RBMS3: variants seen among roughly 807,000 people sequenced by gnomAD.
The protein encoded by RBMS3 is RNA binding motif single stranded interacting protein 3.
RBMS3 carries 27 observed loss-of-function variants against 66.8 expected under a neutral mutation model. The ratio of observed to expected loss-of-function variants is 0.40; its 90% CI spans 0.30 to 0.56. The LOEUF is 0.56. Among genes scored for constraint, RBMS3 ranks in the 20% least tolerant of loss-of-function variants. The pLI is 0.40. For synonymous variants in RBMS3, 188 were observed against 183.0 expected (o/e 1.03, Z -0.22); for missense variants, 513 against 549.5 (o/e 0.93, Z 0.66).
intron 4 of RBMS3, among the ~76,000 whole-genome samples, chr3:29,637,677 T>G (rs975152803): frequency 6.6e-6 from 1 of 151,888 alleles, no homozygotes; most frequent in Admixed American, 6.6e-5. Flanking sequence ...GACTTTATAT[T>G]AAAACACTAA....
Position 29,945,567 on chromosome 3 carries a change from T to G in RBMS3, c.1098+1313T>G, listed in dbSNP as rs566665962. Among the ~76,000 whole-genome samples, 6 of 151,800 alleles carry G rather than the reference T, an allele frequency of 4.0e-5. No individual in the cohort carries two copies. The East Asian group carries it at 1.2e-3, about 30-fold the overall frequency. On this transcript the variant is annotated intron_variant, in intron 12 of 14. Coordinates refer to ENST00000383767, the MANE Select transcript of RBMS3 (RefSeq NM_001003793.3). ...GGATTTAGGGCCCCTGGGAAGAGAC[T>G]ATATTTCATACATGGTACTTTTGTT...
chr3:29,616,709 T>G (rs2048687108), intron 4 of RBMS3: 1 of 152,216 alleles, frequency 6.6e-6, no homozygotes, highest in Admixed American at 6.5e-5. Context: ...TAAATTTACC[T>G]GCTATTATTC....
At chr3:29,332,068 T>A (rs1400636245) in intron 1 of RBMS3, among the ~76,000 whole-genome samples, 1 of 152,062 alleles carries the variant, frequency 6.6e-6, no homozygotes, top group Non-Finnish European at 1.5e-5. Flanking sequence ...CTTCTACTGA[T>A]GAAAGGACTC....
At chr3:29,441,516 G>C (rs9848060) in intron 2 of RBMS3, among the ~76,000 whole-genome samples, 86,566 of 151,920 alleles carry the variant, frequency 0.57, 25,115 homozygotes, top group South Asian at 0.69. Flanking sequence ...TAAGAAACTT[G>C]TTCAAATTTA....
chr3:29,377,234 A>T (rs1381477671), intron 1 of RBMS3, among the ~76,000 whole-genome samples: 1 of 152,198 alleles, frequency 6.6e-6, no homozygotes, highest in African/African-American at 2.4e-5. Flanking sequence ...CTGCTATAGC[A>T]GCAGAGCCTC....
rs1461665047 is a variant in RBMS3, at chr3:29,285,249, G to T, written c.75+3493G>T. ...TTGCCGGGGTGGGGTGGGGGTGGGG[G>T]TGGTGGTGGGGAGTAGGTGGGGGTG... On this transcript the variant is annotated intron_variant, in intron 1 of 14. Coordinates refer to ENST00000383767, the MANE Select transcript of RBMS3 (RefSeq NM_001003793.3). Among the ~76,000 whole-genome samples the T allele has an allele frequency of 4.3e-5, 5 of 117,464 alleles. No homozygotes were observed. The East Asian group carries it at 1.1e-3, about 27-fold the overall frequency. 77.1% of individuals were successfully genotyped at this position (117,464 alleles called of 152,430 possible).
At chr3:29,338,679 T>C (rs2036097937) in intron 1 of RBMS3, among the ~76,000 whole-genome samples, 1 of 99,044 alleles carries the variant, frequency 1.0e-5, no homozygotes, top group African/African-American at 3.6e-5. Context: ...CCTCTCCTCC[T>C]CCTCTCCTCT....
chr3:29,837,767 C>A (rs1233965491), intron 6 of RBMS3, among the ~76,000 whole-genome samples: 3 of 134,212 alleles, frequency 2.2e-5, no homozygotes, highest in African/African-American at 8.4e-5. Context: ...TGATTTTATG[C>A]CTTAATGATC....
chr3:29,819,180 C>G (rs1250846369), intron 6 of RBMS3, among the ~76,000 whole-genome samples: 1 of 152,154 alleles, frequency 6.6e-6, no homozygotes, highest in Non-Finnish European at 1.5e-5. Context: ...TAGTGTGTAT[C>G]CTGCCCTTGC....
chr3:29,515,634 G>A (rs763060351), intron 3 of RBMS3, among the ~76,000 whole-genome samples: 1 of 152,164 alleles, frequency 6.6e-6, no homozygotes, highest in Non-Finnish European at 1.5e-5. Context: ...TTTTCACACC[G>A]CATAAGAAGG....
intron 2 of RBMS3, among the ~76,000 whole-genome samples, chr3:29,459,371 C>G (rs1219323272): frequency 6.6e-6 from 1 of 152,124 alleles, no homozygotes; most frequent in African/African-American, 2.4e-5. Context: ...AACTTGATTT[C>G]TGTTCTCTTT....
chr3:29,897,604 AAT>A, intron 9 of RBMS3, 129 bp downstream of exon 9: 1 of 778,858 alleles, frequency 1.3e-6, no homozygotes, highest in Admixed American at 2.2e-5. Context: ...TTAATGTAAT[AAT>A]ACTCAAGTTA....
intron 3 of RBMS3, among the ~76,000 whole-genome samples, chr3:29,494,291 T>C (rs189030306): frequency 8.7e-4 from 133 of 152,330 alleles, no homozygotes; most frequent in African/African-American, 3.1e-3. Flanking sequence ...ACCCTGTAAG[T>C]TAGGGACAGT....
At chr3:29,377,116 A>G (rs2038517065) in intron 1 of RBMS3, among the ~76,000 whole-genome samples, 2 of 152,026 alleles carry the variant, frequency 1.3e-5, no homozygotes, top group South Asian at 4.1e-4. Flanking sequence ...AAAGCAAAGA[A>G]AGAAAAGGCA....
chr3:29,401,737 A>C (rs1474987275), intron 1 of RBMS3, among the ~76,000 whole-genome samples: 1 of 152,054 alleles, frequency 6.6e-6, no homozygotes, highest in African/African-American at 2.4e-5. Context: ...AAGTAAAACC[A>C]AACTTAATTT....
intron 3 of RBMS3, among the ~76,000 whole-genome samples, chr3:29,561,222 T>C (rs1049622091): frequency 6.6e-6 from 1 of 152,190 alleles, no homozygotes; most frequent in Non-Finnish European, 1.5e-5. Flanking sequence ...GTCTTTATAA[T>C]AGAATGATTT....
intron 1 of RBMS3, among the ~76,000 whole-genome samples, chr3:29,307,717 C>T (rs951216002): frequency 1.6e-4 from 25 of 151,646 alleles, no homozygotes; most frequent in Non-Finnish European, 2.8e-4. Flanking sequence ...TTTATGGGTT[C>T]GAATAATATT....
At chr3:29,675,024 AAAAACAGCATGGTACTGGTACC>A (rs1559557981) in intron 4 of RBMS3, among the ~76,000 whole-genome samples, 1 of 152,044 alleles carries the variant, frequency 6.6e-6, no homozygotes, top group Non-Finnish European at 1.5e-5. Flanking sequence ...CTACAGTAAC[AAAAACAGCATGGTACTGGTACC>A]AAAACAGCAT....
chr3:29,424,518 G>A (rs2040867290), intron 1 of RBMS3, among the ~76,000 whole-genome samples: 1 of 152,106 alleles, frequency 6.6e-6, no homozygotes, highest in Admixed American at 6.5e-5. Flanking sequence ...CGTGTAGGCT[G>A]GACACATTAT....
Sources: gnomAD v4.1 joint callset for allele counts (sites outside exome capture counted in the v4.1 genomes callset) on GRCh38, gnomAD v4.1.1 for gene constraint, MANE v1.5 for transcripts, NCBI Gene and HGNC (gene_info 2026-07-23, HGNC 2026-07-21) for gene names.